CHODL: variants seen among roughly 807,000 people sequenced by gnomAD.
CHODL encodes the protein transmembrane protein MT75.
A neutral mutation model predicts 34.5 loss-of-function variants in CHODL; 29 were observed. The ratio of observed to expected loss-of-function variants is 0.84; its 90% CI spans 0.63 to 1.15. The LOEUF is 1.15. Ranked by LOEUF, CHODL falls within the 50% of genes most tolerant of loss-of-function variation. The pLI, the probability that CHODL is intolerant of heterozygous loss-of-function variation, is 0.00. For missense variants in CHODL, 332 were observed against 332.5 expected (o/e 1.00, Z 0.01); for synonymous variants, 125 against 116.1 (o/e 1.08, Z -0.49).
At chr21:18,211,786 C>T (rs1044463822) in intron 2 of CHODL, among the ~76,000 whole-genome samples, 2 of 152,184 alleles carry the variant, frequency 1.3e-5, no homozygotes, top group Non-Finnish European at 2.9e-5. Flanking sequence ...CGACCTGGAA[C>T]TTTTCAATCA....
chr21:18,009,555 A>G (rs1208462601), intron 1 of CHODL, among the ~76,000 whole-genome samples: 2 of 152,198 alleles, frequency 1.3e-5, no homozygotes, highest in Non-Finnish European at 2.9e-5. Context: ...TTAAGACTCC[A>G]CATTTTCTCT....
chr21:18,134,227 A>G, intron 2 of CHODL: 3 of 462,806 alleles, frequency 6.5e-6, no homozygotes, highest in Non-Finnish European at 1.3e-5. Flanking sequence ...CTCTTTTGTT[A>G]TCTAGGTGTG....
At chr21:18,154,743 A>G (rs2073012723) in intron 2 of CHODL, among the ~76,000 whole-genome samples, 1 of 152,234 alleles carries the variant, frequency 6.6e-6, no homozygotes, top group East Asian at 1.9e-4. Flanking sequence ...ACAGCTTCCT[A>G]AAATTAATGA....
chr21:18,007,120 G>T (rs971767549), intron 1 of CHODL, among the ~76,000 whole-genome samples: 6 of 151,948 alleles, frequency 3.9e-5, no homozygotes, highest in Non-Finnish European at 7.4e-5. Context: ...GTGTGGAATT[G>T]AATTTTAAAA....
At chr21:18,005,122 T>C (rs1307836589) in intron 1 of CHODL, among the ~76,000 whole-genome samples, 1 of 152,246 alleles carries the variant, frequency 6.6e-6, no homozygotes, top group Non-Finnish European at 1.5e-5. Flanking sequence ...TGAGAGCTCA[T>C]AACAGAGTAG....
At chr21:18,231,874 C>G (rs2073982302) in intron 2 of CHODL, among the ~76,000 whole-genome samples, 2 of 151,542 alleles carry the variant, frequency 1.3e-5, no homozygotes, top group Admixed American at 1.3e-4. Flanking sequence ...CTTGGTGGTC[C>G]TGGGTAGTTA....
chr21:18,216,469 T>C (rs1260209942), intron 2 of CHODL, among the ~76,000 whole-genome samples: 1 of 151,962 alleles, frequency 6.6e-6, no homozygotes, highest in Admixed American at 6.6e-5. Context: ...GTAACAACAA[T>C]TCTACTCTCT....
intron 1 of CHODL, among the ~76,000 whole-genome samples, chr21:17,932,956 G>C (rs915425760): frequency 2.0e-5 from 3 of 152,164 alleles, no homozygotes; most frequent in Non-Finnish European, 4.4e-5. Flanking sequence ...TAATAGTGGA[G>C]AGAAGGTCAG....
At position 17,933,947 on chromosome 21, in the gene CHODL, G is replaced by T. The variant is rs528622883; in HGVS notation, c.-145+16547G>T. ...CCAGCTACTCGGGAGGCTGAGACGA[G>T]AATCACTTGAACTGGGGAGGCAGAG... On this transcript the variant is annotated intron_variant, in intron 1 of 6. Transcript: ENST00000400127. 2.6e-5 allele frequency among the ~76,000 whole-genome samples: 4 copies of T among 151,724 alleles called. No individual in the cohort carries two copies. The South Asian group carries it at 8.3e-4, about 32-fold the overall frequency.
intron 2 of CHODL, among the ~76,000 whole-genome samples, chr21:18,094,515 C>T (rs566548435): frequency 3.2e-4 from 49 of 151,942 alleles, no homozygotes; most frequent in African/African-American, 8.2e-4. Flanking sequence ...TCTTCTCTAA[C>T]GATAATGGAA....
At chr21:18,258,770 T>C (rs73206951) in intron 3 of CHODL, among the ~76,000 whole-genome samples, 8,090 of 152,170 alleles carry the variant, frequency 0.053, 279 homozygotes, top group Non-Finnish European at 0.075. Flanking sequence ...CATGATTTAA[T>C]CTTTTTTGTC....
chr21:17,936,268 C>T (rs922712433), intron 1 of CHODL, among the ~76,000 whole-genome samples: 1 of 152,034 alleles, frequency 6.6e-6, no homozygotes, highest in African/African-American at 2.4e-5. Flanking sequence ...CTTGAAAGAC[C>T]TTGGTGACTG....
intron 2 of CHODL, among the ~76,000 whole-genome samples, chr21:18,054,655 G>C (rs2064557203): frequency 1.3e-5 from 2 of 151,970 alleles, no homozygotes; most frequent in South Asian, 2.1e-4. Context: ...GTTTCAGTGA[G>C]ACAGGAGGAA....
chr21:17,951,226 T>C (rs770835260), intron 1 of CHODL, among the ~76,000 whole-genome samples: 3 of 152,114 alleles, frequency 2.0e-5, no homozygotes, highest in Admixed American at 1.3e-4. Flanking sequence ...AAGACTTCTA[T>C]TTTCTTTCAG....
rs144237997 is a variant in CHODL at position 18,100,240 on chromosome 21, A to G, written c.-45+72269A>G. Among the ~76,000 whole-genome samples the G allele has an allele frequency of 6.4e-3, 972 of 152,296 alleles. 33 individuals are homozygous for G. Among genetic ancestry groups the G allele is most frequent in the Admixed American group, 0.055 (846 of 15,272 alleles). ...CTACTGACAAACTGTGGAAAGATAC[A>G]TTGTCAATCTTAAAACTTAAAAATA... On this transcript the variant is annotated intron_variant, in intron 2 of 6. Coordinates refer to the CHODL transcript ENST00000400127.
At chr21:17,992,469 C>T (rs1230229428) in intron 1 of CHODL, among the ~76,000 whole-genome samples, 1 of 152,022 alleles carries the variant, frequency 6.6e-6, no homozygotes, top group Admixed American at 6.5e-5. Flanking sequence ...TTTGTTTGTG[C>T]TTTCAATTTC....
intron 2 of CHODL, among the ~76,000 whole-genome samples, chr21:18,057,778 A>G (rs2078272002): frequency 6.6e-6 from 1 of 151,948 alleles, no homozygotes; most frequent in Non-Finnish European, 1.5e-5. Context: ...TTGCTTTCTT[A>G]TCAACCTGCT....
At chr21:18,262,292 A>G (rs1483474537) in intron 4 of CHODL, among the ~76,000 whole-genome samples, 1 of 152,174 alleles carries the variant, frequency 6.6e-6, no homozygotes, top group South Asian at 2.1e-4. Context: ...ACATGTTCTG[A>G]GAAATGCACC....
chr21:18,188,619 C>G (rs2146687324), intron 2 of CHODL, among the ~76,000 whole-genome samples: 1 of 152,310 alleles, frequency 6.6e-6, no homozygotes, highest in Admixed American at 6.5e-5. Flanking sequence ...ATAGTGTTTT[C>G]AAATTGGGAT....
Sources: allele counts gnomAD v4.1 joint callset (sites outside exome capture counted in the v4.1 genomes callset), GRCh38; gene constraint gnomAD v4.1.1; transcripts MANE v1.5; gene names NCBI Gene and HGNC (gene_info 2026-07-23, HGNC 2026-07-21).